The following DGKI variants were observed in gnomAD, a reference collection of about 807,000 sequenced individuals.
DGKI encodes diacylglycerol kinase iota, also known as DAG kinase iota.
DGKI carries 55 observed loss-of-function variants against 147.5 expected under a neutral mutation model. The ratio of observed to expected loss-of-function variants is 0.37; its 90% CI spans 0.30 to 0.47. The LOEUF is 0.47. Ranked by LOEUF, DGKI falls within the 20% of genes least tolerant of loss-of-function variation. The probability of loss-of-function intolerance (pLI) is 1.00; values close to 1 mark genes in which losing one functional copy is unlikely to be tolerated. For missense variants in DGKI, 1,007 were observed against 1,323.8 expected (o/e 0.76, Z 3.71); for synonymous variants, 469 against 477.1 (o/e 0.98, Z 0.22).
In DGKI at chr7:137,619,948, G is replaced by T; in HGVS notation, c.877-8C>A. 6.2e-7 allele frequency: 1 copy of T among 1,604,920 alleles called. No individual in the cohort carries two copies. The highest frequency in any genetic ancestry group is 1.1e-5 in the South Asian group (1 of 90,774). On this transcript the variant is annotated splice_polypyrimidine_tract_variant and splice_region_variant and intron_variant, in intron 7 of 32. Coordinates refer to ENST00000614521, the MANE Select transcript of DGKI (RefSeq NM_001321708.2). ...GGTCACCTTATTGTGAAACTGAAGAGAAAAATAAGCCAGTAAACAATTCTG... is the reference window on the plus strand; with the variant it reads ...GGTCACCTTATTGTGAAACTGAAGATAAAAATAAGCCAGTAAACAATTCTG...
In DGKI at chr7:137,388,909, T is replaced by C. The variant is rs1811262891; in HGVS notation, c.*2311A>G. On this transcript the variant is annotated 3_prime_UTR_variant, in exon 33 of 33. Coordinates refer to ENST00000614521, the MANE Select transcript of DGKI (RefSeq NM_001321708.2). ...ATTTATGTCTTCAATTGGAGCTATT[T>C]AGAAATTGGCCCATAGCCACCTGTA... 1 of 152,112 alleles carries C rather than the reference T, an allele frequency of 6.6e-6. No individual in the cohort carries two copies. The highest frequency in any genetic ancestry group is 6.6e-5 in the Admixed American group (1 of 15,262). 9.4% of individuals were successfully genotyped at this position (152,112 alleles called of 1,614,324 possible).
intron 1 of DGKI, among the ~76,000 whole-genome samples, chr7:137,710,873 T>C (rs1324203657): frequency 2.0e-5 from 3 of 152,090 alleles, no homozygotes; most frequent in African/African-American, 7.2e-5. Context: ...TTTCTACAAC[T>C]AATAGATACT....
intron 1 of DGKI, among the ~76,000 whole-genome samples, chr7:137,775,579 G>A (rs1796340006): frequency 6.6e-6 from 1 of 152,216 alleles, no homozygotes; most frequent in African/African-American, 2.4e-5. Flanking sequence ...GATGTGTGTA[G>A]TTACTTATAA....
chr7:137,516,462 T>C (rs1213026315), intron 21 of DGKI, among the ~76,000 whole-genome samples: 2 of 152,106 alleles, frequency 1.3e-5, no homozygotes, highest in African/African-American at 4.8e-5. Flanking sequence ...GCTTATATAT[T>C]TTATCTTTCT....
chr7:137,706,013 G>C (rs1794009726), intron 1 of DGKI, among the ~76,000 whole-genome samples: 1 of 152,068 alleles, frequency 6.6e-6, no homozygotes, highest in African/African-American at 2.4e-5. Context: ...TAGGCACCAA[G>C]CATGCTAGTC....
At chr7:137,526,303 C>G (rs897241067) in intron 20 of DGKI, among the ~76,000 whole-genome samples, 1 of 151,998 alleles carries the variant, frequency 6.6e-6, no homozygotes, top group Non-Finnish European at 1.5e-5. Flanking sequence ...GGGTTCTAAA[C>G]CCGGCTTCCA....
rs1383387447 is a variant in DGKI at position 137,638,615 on chromosome 7, C to CATAT, written c.804+6856_804+6857insATAT. On this transcript the variant is annotated intron_variant, in intron 6 of 32. Coordinates refer to ENST00000614521, the MANE Select transcript of DGKI (RefSeq NM_001321708.2). ...ATATACATATATGTATATATATACACACACACATATATATGTGTGTATATA... is the reference window on the plus strand; with the variant it reads ...ATATACATATATGTATATATATACACATATACACACATATATATGTGTGTATATA... Among the ~76,000 whole-genome samples the CATAT allele has an allele frequency of 5.3e-3, 44 of 8,226 alleles. 9 individuals carry two copies. The highest frequency in any genetic ancestry group is 0.012 in the African/African-American group (40 of 3,400). The allele number at this position is 8,226 out of a possible 152,430, so 5.4% of individuals were successfully genotyped here. A position where few individuals can be genotyped will look rare whatever the true frequency, so the allele number is the denominator to read the frequency against.
chr7:137,819,688 C>T (rs1440291169), intron 1 of DGKI, among the ~76,000 whole-genome samples: 1 of 152,132 alleles, frequency 6.6e-6, no homozygotes, highest in East Asian at 1.9e-4. Flanking sequence ...CTCTGCACAG[C>T]CCAGCACAAC....
intron 1 of DGKI, among the ~76,000 whole-genome samples, chr7:137,820,119 C>G (rs540910705): frequency 5.4e-4 from 83 of 152,296 alleles, no homozygotes; most frequent in Non-Finnish European, 5.9e-5. Context: ...ATTCATTTCA[C>G]TCATCCTTGC....
At chr7:137,652,701 C>T (rs961469661) in intron 5 of DGKI, among the ~76,000 whole-genome samples, 6 of 150,196 alleles carry the variant, frequency 4.0e-5, no homozygotes, top group Non-Finnish European at 7.4e-5. Flanking sequence ...ACTATGTTTT[C>T]TCTTTCTACA....
At chr7:137,607,991 A>T (rs1242851763) in intron 10 of DGKI, among the ~76,000 whole-genome samples, 1 of 152,202 alleles carries the variant, frequency 6.6e-6, no homozygotes, top group Non-Finnish European at 1.5e-5. Context: ...TTTCATTTAA[A>T]TCATAAGCTC....
chr7:137,416,497 G>A (rs1387244969), intron 28 of DGKI, among the ~76,000 whole-genome samples: 3 of 152,214 alleles, frequency 2.0e-5, no homozygotes, highest in Admixed American at 6.5e-5. Flanking sequence ...GTGGAGAGTA[G>A]TCTCAGGTAA....
intron 1 of DGKI, among the ~76,000 whole-genome samples, chr7:137,761,007 C>G (rs1322603752): frequency 1.3e-5 from 2 of 152,210 alleles, no homozygotes; most frequent in Admixed American, 1.3e-4. Flanking sequence ...TCTACCTACT[C>G]TTTCCTCTCA....
intron 20 of DGKI, among the ~76,000 whole-genome samples, chr7:137,540,250 T>A (rs1817644322): frequency 6.6e-6 from 1 of 152,056 alleles, no homozygotes; most frequent in Admixed American, 6.5e-5. Flanking sequence ...AATCTAATGG[T>A]GAAAGACAGA....
At chr7:137,828,971 T>C (rs770528979) in intron 1 of DGKI, among the ~76,000 whole-genome samples, 1 of 152,226 alleles carries the variant, frequency 6.6e-6, no homozygotes, top group Non-Finnish European at 1.5e-5. Context: ...TCCTTCATCT[T>C]GAATGATCCT....
chr7:137,502,224 G>A (rs1403684821), intron 21 of DGKI, among the ~76,000 whole-genome samples: 1 of 152,152 alleles, frequency 6.6e-6, no homozygotes, highest in Non-Finnish European at 1.5e-5. Context: ...ATTGAGAGAA[G>A]GATCAGAGTA....
intron 3 of DGKI, among the ~76,000 whole-genome samples, chr7:137,660,652 T>A (rs1563137294): frequency 2.0e-5 from 3 of 152,158 alleles, no homozygotes; most frequent in African/African-American, 7.2e-5. Flanking sequence ...CCCAACTACC[T>A]CCCTTGCCTA....
chr7:137,676,118 G>T (rs572664702), intron 3 of DGKI, among the ~76,000 whole-genome samples: 6 of 152,078 alleles, frequency 3.9e-5, no homozygotes, highest in Non-Finnish European at 8.8e-5. Context: ...AGACTGAGAG[G>T]ATTTTCAGTG....
intron 25 of DGKI, 84 bp downstream of exon 25, chr7:137,466,818 G>C: frequency 2.0e-6 from 3 of 1,463,476 alleles, no homozygotes; most frequent in Non-Finnish European, 2.9e-6. Context: ...GTTTTCGTTA[G>C]AAAAATTTAT....
Sources: gnomAD v4.1 joint callset for allele counts (sites outside exome capture counted in the v4.1 genomes callset) on GRCh38, gnomAD v4.1.1 for gene constraint, MANE v1.5 for transcripts, NCBI Gene and HGNC (gene_info 2026-07-23, HGNC 2026-07-21) for gene names.